Variants in POMT1 observed in about 807,000 individuals in gnomAD.
The protein encoded by POMT1 is protein O-mannosyl-transferase 1.
POMT1 carries 85 observed loss-of-function variants against 101.6 expected under a neutral mutation model. That is an observed-to-expected ratio of 0.84 (90% confidence interval 0.70 to 1.00). The LOEUF (loss-of-function observed/expected upper bound fraction) is 1.00. Among genes scored for constraint, POMT1 ranks in the 50% least tolerant of loss-of-function variants. POMT1 has a pLI of 0.00. For missense variants in POMT1, 857 were observed against 930.4 expected (o/e 0.92, Z 1.03); for synonymous variants, 371 against 383.0 (o/e 0.97, Z 0.37).
rs1295394695 is a variant in POMT1, at chr9:131,511,329, T to C, written c.856-8T>C. On this transcript the variant is annotated splice_polypyrimidine_tract_variant and splice_region_variant and intron_variant, in intron 9 of 19. Transcript: ENST00000402686. Reference sequence around the variant, plus strand: ...CTCTCACTCATCAACCTTCTGCTTCTGTCTCAGGGAGGACTAGCTCGGATC... The same window carrying C: ...CTCTCACTCATCAACCTTCTGCTTCCGTCTCAGGGAGGACTAGCTCGGATC... 8 of 1,604,208 alleles carry C rather than the reference T, an allele frequency of 5.0e-6. No homozygotes were observed. The highest frequency in any genetic ancestry group is 6.8e-6 in the Non-Finnish European group (8 of 1,172,136).
rs1338275795 is a variant in POMT1 at position 131,521,998 on chromosome 9, C to T, written c.1826-49C>T. The T allele has an allele frequency of 8.7e-6, 14 of 1,611,466 alleles. No homozygotes were observed. The East Asian group carries it at 1.6e-4, about 18-fold the overall frequency. On this transcript the variant is annotated intron_variant, in intron 18 of 19. Coordinates refer to ENST00000402686, the MANE Select transcript of POMT1 (RefSeq NM_001077365.2). ...AAAAAAGCAAAAGAGAGAGAAGACC[C>T]GGCCTGTGGGAGCAGCAGAGTCGGT...
chr9:131,506,312 C>A, intron 3 of POMT1, 91 bp from the exon 4 acceptor site: 1 of 1,559,172 alleles, frequency 6.4e-7, no homozygotes, highest in Non-Finnish European at 8.8e-7. Context: ...GAAACCAGGT[C>A]TTATTATTGA....
intron 14 of POMT1, 128 bp downstream of exon 14, chr9:131,518,665 C>A: frequency 7.2e-7 from 1 of 1,394,900 alleles, no homozygotes; most frequent in Non-Finnish European, 1.0e-6. Context: ...CTTCCTCTTA[C>A]ACTGAGGGAG....
chr9:131,522,058 C>T lies in POMT1; in HGVS notation c.1837C>T (p.Arg613Cys), dbSNP rs759135168. ...GCCCTTTCCTATAGATGCCTGGCTGCGCTGGGTGCTGGCTGGGGCGCTGTG... is the reference window on the plus strand; with the variant it reads ...GCCCTTTCCTATAGATGCCTGGCTGTGCTGGGTGCTGGCTGGGGCGCTGTG... Reference protein sequence around the residue: ...VHDLPQDAWLRWVLAGALCAG... With the variant: ...VHDLPQDAWLCWVLAGALCAG... Residue 613 changes from arginine (R) to cysteine (C), a missense_variant, in exon 19 of 20, where the codon CGC (arginine) becomes TGC (cysteine). Physicochemically the swap from Arg to Cys is radical, Grantham distance 180. Coordinates refer to ENST00000402686, the MANE Select transcript of POMT1 (RefSeq NM_001077365.2). The surrounding 1 kb of genome is among the most constrained non-coding windows in gnomAD (Gnocchi z 5.5). The T allele has an allele frequency of 1.1e-5, 17 of 1,613,946 alleles. No homozygotes were observed. The Admixed American group carries it at 1.3e-4, about 13-fold the overall frequency.
chr9:131,518,616 C>G, intron 14 of POMT1, 79 bp downstream of exon 14: 1 of 1,459,352 alleles, frequency 6.9e-7, no homozygotes, highest in South Asian at 1.1e-5. Context: ...GGCTTCACCG[C>G]CTCTCTGCAG....
chr9:131,518,657 TC>T (rs1360435938), intron 14 of POMT1, 120 bp downstream of exon 14: 2 of 1,388,634 alleles, frequency 1.4e-6, no homozygotes, highest in East Asian at 4.6e-5. Flanking sequence ...CATCATGGCT[TC>T]CTCTTACACT....
intron 11 of POMT1, among the ~76,000 whole-genome samples, chr9:131,512,627 C>T (rs1947369270): frequency 6.6e-6 from 1 of 151,790 alleles, no homozygotes; most frequent in South Asian, 2.1e-4. Context: ...CTTATTTTTT[C>T]GGGGGACAGA....
intron 9 of POMT1, chr9:131,511,006 TTGTTTGG>T: frequency 3.8e-6 from 1 of 263,708 alleles, no homozygotes. Context: ...TTTCAGCAAG[TTGTTTGG>T]CTCACCCTAG....
At chr9:131,508,688 G>A (rs1430331131) in intron 5 of POMT1, among the ~76,000 whole-genome samples, 3 of 152,218 alleles carry the variant, frequency 2.0e-5, no homozygotes, top group Non-Finnish European at 4.4e-5. Flanking sequence ...GACAGAGCAA[G>A]ACCCTGACTC....
At chr9:131,509,579 C>G (rs912850519) in intron 6 of POMT1, among the ~76,000 whole-genome samples, 164 bp from the exon 7 acceptor site, 2 of 152,186 alleles carry the variant, frequency 1.3e-5, no homozygotes, top group African/African-American at 4.8e-5. Context: ...AAAAATTCTG[C>G]TGGGATGGAT....
Position 131,521,431 on chromosome 9 carries a change from A to G in POMT1, c.1784A>G (p.Tyr595Cys), listed in dbSNP as rs774415961. The G allele has an allele frequency of 1.2e-6, 2 of 1,614,110 alleles. No homozygotes were observed. Among genetic ancestry groups the G allele is most frequent in the South Asian group, 2.2e-5 (2 of 91,076 alleles). Reference protein sequence around the residue: ...LAIYALLSLWYLLRRRRNVHD... With the variant: ...LAIYALLSLWCLLRRRRNVHD... ...ATCTACGCCCTGCTGTCCTTGTGGT[A>G]CCTGCTCCGACGGCGAAGAAATGTC... Residue 595 changes from tyrosine to cysteine, a missense_variant, in exon 18 of 20, where the codon TAC becomes TGC. Physicochemically the swap from Tyr to Cys is radical, Grantham distance 194. Transcript: ENST00000402686.
chr9:131,521,558 G>A, intron 18 of POMT1, 86 bp downstream of exon 18: 1 of 1,475,444 alleles, frequency 6.8e-7, no homozygotes, highest in Non-Finnish European at 9.4e-7. Context: ...TTGAACTCCT[G>A]GGCTTAAGCG....
intron 2 of POMT1, among the ~76,000 whole-genome samples, chr9:131,505,763 TG>T (rs1453329485): frequency 1.0e-4 from 2 of 19,258 alleles, no homozygotes; most frequent in African/African-American, 2.0e-4. Flanking sequence ...GGGGCGGGGG[TG>T]GGGGGGTTGG....
intron 12 of POMT1, among the ~76,000 whole-genome samples, chr9:131,514,919 T>C (rs975916323): frequency 2.6e-5 from 4 of 152,170 alleles, no homozygotes; most frequent in Non-Finnish European, 5.9e-5. Flanking sequence ...TCGCGCCATT[T>C]GCACTCCAGC....
At chr9:131,504,747 A>ATGTGTGTGTGTGTGTG (rs1554770656) in intron 2 of POMT1, among the ~76,000 whole-genome samples, 1 of 122,700 alleles carries the variant, frequency 8.1e-6, no homozygotes, top group African/African-American at 3.3e-5. Flanking sequence ...TAACTGATTA[A>ATGTGTGTGTGTGTGTG]TGTGTGTATG....
At chr9:131,510,111 C>T (rs1946782292) in intron 8 of POMT1, 115 bp downstream of exon 8, 1 of 1,612,964 alleles carries the variant, frequency 6.2e-7, no homozygotes, top group South Asian at 1.1e-5. Flanking sequence ...AGCAGGCAGG[C>T]CTGGGCAGCC....
At chr9:131,516,393 A>G (rs1446926053) in intron 13 of POMT1, among the ~76,000 whole-genome samples, 1 of 151,386 alleles carries the variant, frequency 6.6e-6, no homozygotes, top group Admixed American at 6.6e-5. Flanking sequence ...ACTTCCTCAC[A>G]CGGAGCACTT....
Position 131,519,044 on chromosome 9 carries a change from T to A in POMT1, c.1486+87T>A. The A allele has an allele frequency of 6.3e-7, 1 of 1,589,534 alleles. No homozygotes were observed. Among genetic ancestry groups the A allele is most frequent in the South Asian group, 1.1e-5 (1 of 89,412 alleles). On this transcript the variant is annotated intron_variant, in intron 15 of 19. Transcript: ENST00000402686. The surrounding 1 kb of genome is among the most constrained non-coding windows in gnomAD (Gnocchi z 4.3). ...TAACACCCCAGAGTTCTCATTTTGG[T>A]GGGAAGGGAACTGAGCACATTCTCC... is the stretch of plus-strand genomic sequence containing the variant.
rs12003400 is a variant in POMT1, at chr9:131,522,020, C to T, written c.1826-27C>T. On this transcript the variant is annotated intron_variant, in intron 18 of 19. Coordinates refer to ENST00000402686, the MANE Select transcript of POMT1 (RefSeq NM_001077365.2). The surrounding 1 kb of genome is among the most constrained non-coding windows in gnomAD (Gnocchi z 5.5). ...ACCCGGCCTGTGGGAGCAGCAGAGT[C>T]GGTGTAGCTCGAGCCCTTTCCTATA... The T allele has an allele frequency of 5.0e-6, 8 of 1,613,394 alleles. No homozygotes were observed. Among genetic ancestry groups the T allele is most frequent in the South Asian group, 3.3e-5 (3 of 91,074 alleles).
Sources: gnomAD v4.1 joint callset for allele counts (sites outside exome capture counted in the v4.1 genomes callset) on GRCh38, gnomAD v4.1.1 for gene constraint, Gnocchi (gnomAD v3.1) non-coding constraint, MANE v1.5 for transcripts, NCBI Gene and HGNC (gene_info 2026-07-23, HGNC 2026-07-21) for gene names.